Variants in ADAMTS6 observed in about 807,000 individuals in gnomAD.
The protein encoded by ADAMTS6 is ADAM metallopeptidase with thrombospondin type 1 motif 6, also known as A disintegrin and metalloproteinase with thrombospondin motifs 6.
Under a neutral mutation model 144.3 loss-of-function variants are expected in ADAMTS6, and 23 were observed. That is an observed-to-expected ratio of 0.16 (90% CI 0.11 to 0.23). The LOEUF (loss-of-function observed/expected upper bound fraction) is 0.23, where lower values mean the gene tolerates loss of function less well. ADAMTS6 is among the 10% of genes least tolerant of loss of function. ADAMTS6 has a pLI of 1.00. For synonymous variants in ADAMTS6, 444 were observed against 457.5 expected (o/e 0.97, Z 0.38); for missense variants, 999 against 1,379.6 (o/e 0.72, Z 4.37).
At position 65,240,650 on chromosome 5, in the gene ADAMTS6, T is replaced by A. The variant is rs180897000; in HGVS notation, c.1933+1454A>T. Among the ~76,000 whole-genome samples the A allele has an allele frequency of 5.9e-5, 9 of 152,172 alleles. No homozygotes were observed. The East Asian group carries it at 1.7e-3, about 29-fold the overall frequency. ...CGCTTTCTGCCACATGAGGATACAA[T>A]GAGAAAACAACAGTTCACAACCCAG... On this transcript the variant is annotated intron_variant, in intron 15 of 24. Transcript: ENST00000381055.
intron 15 of ADAMTS6, among the ~76,000 whole-genome samples, chr5:65,241,839 C>A (rs1759218249): frequency 6.6e-6 from 1 of 152,120 alleles, no homozygotes; most frequent in African/African-American, 2.4e-5. Flanking sequence ...GTCTAGATAT[C>A]CTTTCAAGGA....
intron 4 of ADAMTS6, 94 bp downstream of exon 4, chr5:65,460,075 CT>C: frequency 7.3e-7 from 1 of 1,363,714 alleles, no homozygotes; most frequent in Non-Finnish European, 9.8e-7. Flanking sequence ...CAAACTCCTA[CT>C]TCCTTTTATT....
At chr5:65,311,596 T>C (rs1053299687) in intron 9 of ADAMTS6, among the ~76,000 whole-genome samples, 7 of 152,120 alleles carry the variant, frequency 4.6e-5, no homozygotes, top group Non-Finnish European at 7.4e-5. Flanking sequence ...TTAAGATATA[T>C]GAGGCAGCCC....
chr5:65,437,860 T>C (rs1383181983), intron 7 of ADAMTS6, among the ~76,000 whole-genome samples: 1 of 152,224 alleles, frequency 6.6e-6, no homozygotes, highest in African/African-American at 2.4e-5. Flanking sequence ...GATCCACGAT[T>C]GGTTGAATCT....
At chr5:65,171,826 T>C (rs1753647422) in intron 23 of ADAMTS6, among the ~76,000 whole-genome samples, 1 of 152,126 alleles carries the variant, frequency 6.6e-6, no homozygotes, top group Non-Finnish European at 1.5e-5. Flanking sequence ...TTGCATCTAC[T>C]CTGGGATTCA....
At chr5:65,439,542 T>C (rs901366389) in intron 7 of ADAMTS6, among the ~76,000 whole-genome samples, 4 of 152,142 alleles carry the variant, frequency 2.6e-5, no homozygotes, top group African/African-American at 9.7e-5. Flanking sequence ...AATTGCTATA[T>C]ACTCTTTTAA....
At chr5:65,287,113 G>GT (rs1361771707) in intron 11 of ADAMTS6, among the ~76,000 whole-genome samples, 1 of 152,140 alleles carries the variant, frequency 6.6e-6, no homozygotes, top group Non-Finnish European at 1.5e-5. Flanking sequence ...AGATGATCTG[G>GT]TAAGAATCTA....
At chr5:65,415,374 AG>A (rs1314630847) in intron 7 of ADAMTS6, 2 of 159,322 alleles carry the variant, frequency 1.3e-5, no homozygotes, top group Non-Finnish European at 2.8e-5. Flanking sequence ...TGCCAGTGCA[AG>A]GGTGCATCCC....
chr5:65,459,080 T>G (rs1403692718), intron 4 of ADAMTS6, among the ~76,000 whole-genome samples: 1 of 151,944 alleles, frequency 6.6e-6, no homozygotes, highest in Non-Finnish European at 1.5e-5. Context: ...TCTCGCTATA[T>G]TGCCCAGGCA....
chr5:65,277,473 C>T (rs1419282782), intron 11 of ADAMTS6, among the ~76,000 whole-genome samples: 10 of 152,078 alleles, frequency 6.6e-5, no homozygotes, highest in African/African-American at 2.4e-4. Context: ...CTCACTGCAA[C>T]CTTGAACTCC....
chr5:65,413,723 T>C (rs945017898), intron 7 of ADAMTS6, among the ~76,000 whole-genome samples: 2 of 152,112 alleles, frequency 1.3e-5, no homozygotes, highest in East Asian at 1.9e-4. Context: ...TAAAATATAA[T>C]GTACATTAAT....
rs144985321 is a variant in ADAMTS6, at chr5:65,446,182, T to C, written c.1073+5293A>G. 3.3e-3 allele frequency among the ~76,000 whole-genome samples: 507 copies of C among 152,312 alleles called. 1 individual carries two copies. Among genetic ancestry groups the C allele is most frequent in the African/African-American group, 0.012 (491 of 41,578 alleles). ...TGAATACCAAATAAATGTTAATATA[T>C]CACATTTAACTTCCCTTTTCTCTAT... is the stretch of plus-strand genomic sequence containing the variant. On this transcript the variant is annotated intron_variant, in intron 7 of 24. Coordinates refer to ENST00000381055, the MANE Select transcript of ADAMTS6 (RefSeq NM_197941.4).
rs563442654 is a variant in ADAMTS6, at chr5:65,168,105, C to T, written c.3244+2512G>A. 2.7e-3 allele frequency among the ~76,000 whole-genome samples: 402 copies of T among 151,486 alleles called. 1 individual carries two copies. The highest frequency in any genetic ancestry group is 9.2e-3 in the African/African-American group (380 of 41,236). On this transcript the variant is annotated intron_variant, in intron 24 of 24. Coordinates refer to ENST00000381055, the MANE Select transcript of ADAMTS6 (RefSeq NM_197941.4). ...GAGGAAGTCAAATTGTCCCTGTTTG[C>T]AGACGACATGATTGTTTATCTAGAA...
chr5:65,459,740 A>T (rs1398161758), intron 4 of ADAMTS6, among the ~76,000 whole-genome samples: 2 of 152,118 alleles, frequency 1.3e-5, no homozygotes, highest in East Asian at 1.9e-4. Context: ...ACATATTTCT[A>T]TAGTATCCTC....
chr5:65,417,426 A>T (rs1024534198), intron 7 of ADAMTS6, among the ~76,000 whole-genome samples: 4 of 152,200 alleles, frequency 2.6e-5, no homozygotes, highest in African/African-American at 9.7e-5. Flanking sequence ...ATAGCAAAAG[A>T]AGAAGGCAAA....
chr5:65,471,170 G>A (rs1561574701), intron 2 of ADAMTS6, 28 bp from the exon 3 acceptor site: 7 of 1,543,050 alleles, frequency 4.5e-6, no homozygotes, highest in Admixed American at 2.4e-5. Context: ...AGAGAATCCA[G>A]AAAAAAAACA....
intron 7 of ADAMTS6, among the ~76,000 whole-genome samples, chr5:65,395,171 T>C (rs560233493): frequency 3.7e-4 from 57 of 152,290 alleles, no homozygotes; most frequent in African/African-American, 1.3e-3. Flanking sequence ...TGCCACTCTC[T>C]AAGGAACCAA....
At chr5:65,208,993 C>A (rs1343143683) in intron 20 of ADAMTS6, among the ~76,000 whole-genome samples, 2 of 152,212 alleles carry the variant, frequency 1.3e-5, no homozygotes, top group Non-Finnish European at 2.9e-5. Context: ...ACATTGCAAT[C>A]TGTGTCTTAA....
At chr5:65,172,646 C>T (rs1268286947) in intron 23 of ADAMTS6, among the ~76,000 whole-genome samples, 186 bp downstream of exon 23, 2 of 152,138 alleles carry the variant, frequency 1.3e-5, no homozygotes, top group Admixed American at 1.3e-4. Flanking sequence ...ATCACTGGCT[C>T]ACTCTGTATG....
Sources: allele counts gnomAD v4.1 joint callset (sites outside exome capture counted in the v4.1 genomes callset), GRCh38; gene constraint gnomAD v4.1.1; transcripts MANE v1.5; gene names NCBI Gene and HGNC (gene_info 2026-07-23, HGNC 2026-07-21).